Variants in PLEKHH2 observed in about 807,000 individuals in gnomAD.
The protein encoded by PLEKHH2 is pleckstrin homology, MyTH4 and FERM domain containing H2.
A neutral mutation model predicts 187.9 loss-of-function variants in PLEKHH2; 129 were observed. The ratio of observed to expected loss-of-function variants is 0.69; its 90% confidence interval spans 0.59 to 0.79. The LOEUF is 0.79. PLEKHH2 is among the 30% of genes least tolerant of loss of function. The pLI is 0.00. For synonymous variants in PLEKHH2, 686 were observed against 605.6 expected (o/e 1.13, Z -1.95); for missense variants, 2,076 against 1,751.2 (o/e 1.19, Z -3.31).
intron 2 of PLEKHH2, among the ~76,000 whole-genome samples, chr2:43,656,913 G>T (rs1666798573): frequency 6.6e-6 from 1 of 152,152 alleles, no homozygotes; most frequent in African/African-American, 2.4e-5. Flanking sequence ...CAGCTACTTG[G>T]GAGGCTGAGG....
chr2:43,643,661 T>C (rs975513242), intron 1 of PLEKHH2, among the ~76,000 whole-genome samples: 3 of 152,142 alleles, frequency 2.0e-5, no homozygotes, highest in South Asian at 2.1e-4. Context: ...AGAGTTTTGC[T>C]GTCACCGTTC....
chr2:43,646,428 A>G (rs1306507645), intron 2 of PLEKHH2, among the ~76,000 whole-genome samples: 2 of 152,180 alleles, frequency 1.3e-5, no homozygotes. Flanking sequence ...TAAGCCTCTC[A>G]GCAGTTGACA....
chr2:43,689,283 G>C (rs1473645664), intron 3 of PLEKHH2, among the ~76,000 whole-genome samples: 1 of 152,198 alleles, frequency 6.6e-6, no homozygotes. Context: ...AGTGTGCTGA[G>C]GTGGGTGGAT....
chr2:43,728,141 T>C (rs187292673), intron 17 of PLEKHH2, among the ~76,000 whole-genome samples: 26 of 152,282 alleles, frequency 1.7e-4, no homozygotes, highest in African/African-American at 6.3e-4. Context: ...AAAAGTTTTC[T>C]CGCCCTAGTA....
chr2:43,743,478 A>G (rs568407502), intron 22 of PLEKHH2, among the ~76,000 whole-genome samples: 15 of 152,340 alleles, frequency 9.8e-5, no homozygotes, highest in Middle Eastern at 3.4e-3. Context: ...TTATTTAAAC[A>G]TATTTCTTGT....
At chr2:43,694,751 A>G (rs935580102) in intron 5 of PLEKHH2, among the ~76,000 whole-genome samples, 3 of 152,174 alleles carry the variant, frequency 2.0e-5, no homozygotes, top group Non-Finnish European at 2.9e-5. Flanking sequence ...CTAATAAGTT[A>G]ATTTTAGTTC....
intron 2 of PLEKHH2, among the ~76,000 whole-genome samples, chr2:43,654,350 A>G (rs1226755445): frequency 6.6e-6 from 1 of 151,898 alleles, no homozygotes; most frequent in Non-Finnish European, 1.5e-5. Context: ...GTGCACCACC[A>G]CATCCAGCTA....
At chr2:43,757,307 A>C in intron 26 of PLEKHH2, 43 bp downstream of exon 26, 1 of 1,367,628 alleles carries the variant, frequency 7.3e-7, no homozygotes, top group Non-Finnish European at 9.6e-7. Context: ...GGGTCATACT[A>C]GTTTTTTGGT....
At chr2:43,711,308 A>C in intron 14 of PLEKHH2, 1 of 985,436 alleles carries the variant, frequency 1.0e-6, no homozygotes. Context: ...CCTCTCAAAA[A>C]TTTAGAAAGG....
At chr2:43,749,951 G>A (rs557026609) in intron 24 of PLEKHH2, among the ~76,000 whole-genome samples, 3 of 152,280 alleles carry the variant, frequency 2.0e-5, no homozygotes, top group East Asian at 1.9e-4. Flanking sequence ...TAATTAACAG[G>A]TTTTGAACTT....
chr2:43,684,975 C>G (rs1200025007), intron 3 of PLEKHH2, among the ~76,000 whole-genome samples: 3 of 152,146 alleles, frequency 2.0e-5, no homozygotes, highest in Non-Finnish European at 1.5e-5. Context: ...ACAATTACTT[C>G]ATAATCTAAA....
intron 7 of PLEKHH2, among the ~76,000 whole-genome samples, chr2:43,699,331 A>T (rs1171786117): frequency 1.3e-5 from 2 of 152,208 alleles, no homozygotes; most frequent in African/African-American, 4.8e-5. Context: ...AAAAAGACAT[A>T]AGACTAACAC....
chr2:43,731,376 G>C, intron 18 of PLEKHH2, 114 bp from the exon 19 acceptor site: 2 of 684,244 alleles, frequency 2.9e-6, no homozygotes, highest in South Asian at 4.1e-5. Context: ...TGACCTTTGT[G>C]ACTTAAAGTT....
At chr2:43,746,135 TG>T (rs1671770175) in intron 24 of PLEKHH2, among the ~76,000 whole-genome samples, 172 bp downstream of exon 24, 1 of 152,262 alleles carries the variant, frequency 6.6e-6, no homozygotes, top group Non-Finnish European at 1.5e-5. Flanking sequence ...CATAAAATTT[TG>T]TTTCTAATTC....
chr2:43,644,569 T>C (rs1666097976), intron 1 of PLEKHH2, 102 bp from the exon 2 acceptor site: 2 of 934,178 alleles, frequency 2.1e-6, no homozygotes, highest in Non-Finnish European at 3.1e-6. Context: ...GATTATAATG[T>C]GTACATTGGG....
At chr2:43,722,525 C>T (rs760367794) in intron 16 of PLEKHH2, among the ~76,000 whole-genome samples, 1 of 152,108 alleles carries the variant, frequency 6.6e-6, no homozygotes, top group Admixed American at 6.6e-5. Flanking sequence ...AACTCTTCTA[C>T]CCTCTCCTTC....
At position 43,721,163 on chromosome 2, in the gene PLEKHH2, C is replaced by G. The variant is rs143008615; in HGVS notation, c.2541+414C>G. 5.7e-3 allele frequency among the ~76,000 whole-genome samples: 866 copies of G among 152,274 alleles called. 15 individuals carry two copies. Among genetic ancestry groups the G allele is most frequent in the African/African-American group, 0.02 (816 of 41,546 alleles). Reference sequence around the variant, plus strand: ...AAATTCCCGAATACCGCTTATCTACCCATCCATCTGCCTGTTTATATTCTG... The same window carrying G: ...AAATTCCCGAATACCGCTTATCTACGCATCCATCTGCCTGTTTATATTCTG... On this transcript the variant is annotated intron_variant, in intron 16 of 29. Coordinates refer to ENST00000282406, the MANE Select transcript of PLEKHH2 (RefSeq NM_172069.4).
chr2:43,705,661 G>A lies in PLEKHH2; in HGVS notation c.1727-661G>A, dbSNP rs754242450. Among the ~76,000 whole-genome samples the A allele has an allele frequency of 4.6e-5, 7 of 151,968 alleles. No individual in the cohort carries two copies. In the East Asian group the frequency reaches 7.7e-4, roughly 17 times the overall value. On this transcript the variant is annotated intron_variant, in intron 9 of 29. Transcript: ENST00000282406. ...GTTTGAGAACAAGTCTTGCTCTGTC[G>A]CCCAGGCTGTAGTGCAGTGGCATGA...
chr2:43,647,342 T>A (rs921316744), intron 2 of PLEKHH2, among the ~76,000 whole-genome samples: 2 of 152,234 alleles, frequency 1.3e-5, no homozygotes, highest in African/African-American at 2.4e-5. Context: ...GTTATTTAAC[T>A]TGACTGAGTT....
Sources: allele counts gnomAD v4.1 joint callset (sites outside exome capture counted in the v4.1 genomes callset), GRCh38; gene constraint gnomAD v4.1.1; transcripts MANE v1.5; gene names NCBI Gene and HGNC (gene_info 2026-07-23, HGNC 2026-07-21).